FBXL17: variants seen among roughly 807,000 people sequenced by gnomAD.
FBXL17 encodes F-box/LRR-repeat protein 17.
FBXL17 carries 22 observed loss-of-function variants against 66.2 expected under a neutral mutation model. The observed-to-expected ratio is 0.33, with a 90% CI of 0.24 to 0.47. The LOEUF (loss-of-function observed/expected upper bound fraction) is 0.47. Ranked by LOEUF, FBXL17 falls within the 20% of genes least tolerant of loss-of-function variation. The pLI is 1.00. For missense variants in FBXL17, 878 were observed against 948.2 expected (o/e 0.93, Z 0.97); for synonymous variants, 474 against 400.5 (o/e 1.18, Z -2.19).
At chr5:108,151,847 C>T (rs779669742) in intron 6 of FBXL17, among the ~76,000 whole-genome samples, 1 of 152,136 alleles carries the variant, frequency 6.6e-6, no homozygotes, top group Non-Finnish European at 1.5e-5. Flanking sequence ...CAATATGCTC[C>T]AATGACATTC....
At chr5:108,010,119 C>T (rs1294008981) in intron 7 of FBXL17, among the ~76,000 whole-genome samples, 2 of 152,174 alleles carry the variant, frequency 1.3e-5, no homozygotes, top group African/African-American at 2.4e-5. Context: ...CCAACAAGCA[C>T]TTCAAATGCA....
chr5:108,126,651 C>A (rs597380), intron 6 of FBXL17, among the ~76,000 whole-genome samples: 11,986 of 107,870 alleles, frequency 0.11, 834 homozygotes, highest in African/African-American at 0.2. Context: ...CTCTCTCTCT[C>A]TATATATATA....
At chr5:108,000,410 A>T (rs1313704712) in intron 7 of FBXL17, among the ~76,000 whole-genome samples, 1 of 152,222 alleles carries the variant, frequency 6.6e-6, no homozygotes, top group Non-Finnish European at 1.5e-5. Flanking sequence ...ACTGAATTCT[A>T]TTTAGAGCTG....
At chr5:108,208,464 CA>C (rs1180693740) in intron 5 of FBXL17, among the ~76,000 whole-genome samples, 1 of 152,066 alleles carries the variant, frequency 6.6e-6, no homozygotes, top group Non-Finnish European at 1.5e-5. Flanking sequence ...TTAAGTCTTT[CA>C]CCCATCTTGA....
At chr5:108,240,339 G>A (rs1308469078) in intron 4 of FBXL17, among the ~76,000 whole-genome samples, 1 of 152,044 alleles carries the variant, frequency 6.6e-6, no homozygotes, top group Admixed American at 6.6e-5. Flanking sequence ...TGCCCTGAAG[G>A]TGAGTCCTAG....
intron 7 of FBXL17, among the ~76,000 whole-genome samples, chr5:107,907,823 A>C (rs1432444162): frequency 6.6e-6 from 1 of 152,148 alleles, no homozygotes; most frequent in Non-Finnish European, 1.5e-5. Flanking sequence ...GTGGAGAAAT[A>C]GGAACACTTT....
intron 6 of FBXL17, among the ~76,000 whole-genome samples, chr5:108,090,232 A>G (rs1259439225): frequency 6.6e-6 from 1 of 152,236 alleles, no homozygotes; most frequent in African/African-American, 2.4e-5. Context: ...GTTTTGACAA[A>G]TTATAGACAT....
At chr5:107,997,817 G>C (rs1753539646) in intron 7 of FBXL17, among the ~76,000 whole-genome samples, 1 of 152,202 alleles carries the variant, frequency 6.6e-6, no homozygotes, top group Admixed American at 6.5e-5. Context: ...TCAACACCCT[G>C]AGTCACTAAG....
chr5:108,274,784 T>C (rs2150142413), intron 4 of FBXL17, among the ~76,000 whole-genome samples: 1 of 152,234 alleles, frequency 6.6e-6, no homozygotes, highest in East Asian at 1.9e-4. Context: ...TCTTCTGCCA[T>C]GGCTTCAGCT....
chr5:108,343,825 C>T (rs971976776), intron 4 of FBXL17, among the ~76,000 whole-genome samples: 1 of 152,088 alleles, frequency 6.6e-6, no homozygotes, highest in African/African-American at 2.4e-5. Flanking sequence ...TGATATTAGA[C>T]ATTGATACAG....
intron 4 of FBXL17, among the ~76,000 whole-genome samples, chr5:108,291,012 C>T (rs116539199): frequency 9.5e-4 from 145 of 152,212 alleles, no homozygotes; most frequent in African/African-American, 3.4e-3. Flanking sequence ...ATATGCAACG[C>T]CATCTAAAAT....
At chr5:108,304,113 T>G (rs534326774) in intron 4 of FBXL17, among the ~76,000 whole-genome samples, 2 of 152,066 alleles carry the variant, frequency 1.3e-5, no homozygotes, top group South Asian at 4.1e-4. Context: ...TTATTACACT[T>G]TTAAATTCAA....
At chr5:108,249,592 G>T (rs1756257060) in intron 4 of FBXL17, among the ~76,000 whole-genome samples, 1 of 152,096 alleles carries the variant, frequency 6.6e-6, no homozygotes, top group Admixed American at 6.6e-5. Flanking sequence ...CCATACACTT[G>T]TATAAGAGTA....
At chr5:108,131,222 A>G (rs1334524731) in intron 6 of FBXL17, among the ~76,000 whole-genome samples, 1 of 152,144 alleles carries the variant, frequency 6.6e-6, no homozygotes, top group Non-Finnish European at 1.5e-5. Flanking sequence ...CATCTAATGA[A>G]TCTTAATAAA....
At chr5:107,956,297 G>A (rs149618242) in intron 7 of FBXL17, among the ~76,000 whole-genome samples, 57 of 152,260 alleles carry the variant, frequency 3.7e-4, no homozygotes, top group South Asian at 8.3e-4. Flanking sequence ...AGATCTCTGC[G>A]GGTATGTTAA....
At chr5:107,924,447 T>C (rs1441061627) in intron 7 of FBXL17, among the ~76,000 whole-genome samples, 1 of 152,174 alleles carries the variant, frequency 6.6e-6, no homozygotes, top group East Asian at 1.9e-4. Context: ...TGCATAGAAC[T>C]TCATGTCAAA....
At chr5:108,220,996 T>G (rs1319310164) in intron 5 of FBXL17, among the ~76,000 whole-genome samples, 1 of 152,282 alleles carries the variant, frequency 6.6e-6, no homozygotes, top group Non-Finnish European at 1.5e-5. Flanking sequence ...GACCTCTAAG[T>G]TTCCAAACAG....
At chr5:108,321,160 A>G (rs189479661) in intron 4 of FBXL17, among the ~76,000 whole-genome samples, 3 of 152,004 alleles carry the variant, frequency 2.0e-5, no homozygotes, top group Admixed American at 2.0e-4. Context: ...ATTACCTATT[A>G]TATGTCACAC....
intron 4 of FBXL17, among the ~76,000 whole-genome samples, chr5:108,277,699 C>T (rs1757539490): frequency 6.6e-6 from 1 of 152,162 alleles, no homozygotes; most frequent in African/African-American, 2.4e-5. Context: ...AAGTCATTAA[C>T]TTCCCCTAAA....
Sources: gnomAD v4.1 joint callset for allele counts (sites outside exome capture counted in the v4.1 genomes callset) on GRCh38, gnomAD v4.1.1 for gene constraint, MANE v1.5 for transcripts, NCBI Gene and HGNC (gene_info 2026-07-23, HGNC 2026-07-21) for gene names.